The following GPHN variants were observed in gnomAD, a reference collection of about 807,000 sequenced individuals.
The protein encoded by GPHN is gephyrin.
In GPHN, 17 loss-of-function variants were observed where a neutral mutation model predicts 95.5. The observed-to-expected ratio is 0.18, with a 90% CI of 0.12 to 0.27. The LOEUF is 0.27. Ranked by LOEUF, GPHN falls within the 10% of genes least tolerant of loss-of-function variation. The pLI, the probability that GPHN is intolerant of heterozygous loss-of-function variation, is 1.00. For synonymous variants in GPHN, 320 were observed against 322.5 expected, an observed-to-expected ratio of 0.99 and a Z score of 0.08; for missense variants, 660 against 978.1, an observed-to-expected ratio of 0.67 and a Z score of 4.34.
chr14:67,663,286 GT>G, the GPHN span: 1 of 811,418 alleles, frequency 1.2e-6, no homozygotes, highest in South Asian at 1.8e-5. Context: ...TATACTACAG[GT>G]TTTCCATCTA....
At chr14:67,334,391 G>GATTTT in the GPHN span, 1 of 152,598 alleles carries the variant, frequency 6.6e-6, no homozygotes, top group Non-Finnish European at 1.5e-5. Flanking sequence ...TGAATGCCTT[G>GATTTT]ATTTTATTTT....
chr14:67,606,756 C>T, the GPHN span, among the ~76,000 whole-genome samples: 11 of 152,246 alleles, frequency 7.2e-5, 1 homozygote, highest in South Asian at 2.3e-3. Flanking sequence ...AAGCGATTCT[C>T]CTGCCTCAGC....
the GPHN span, among the ~76,000 whole-genome samples, chr14:67,524,100 T>C: frequency 6.6e-6 from 1 of 152,192 alleles, no homozygotes; most frequent in Non-Finnish European, 1.5e-5. Flanking sequence ...AGTTGTTTAA[T>C]GGGAGATTAA....
chr14:67,603,126 G>C, the GPHN span, among the ~76,000 whole-genome samples: 1 of 152,148 alleles, frequency 6.6e-6, no homozygotes, highest in South Asian at 2.1e-4. Flanking sequence ...GAGTGCAGCA[G>C]TGGTACGGTC....
the GPHN span, among the ~76,000 whole-genome samples, chr14:67,469,976 C>A: frequency 6.6e-6 from 1 of 152,208 alleles, no homozygotes; most frequent in Non-Finnish European, 1.5e-5. Context: ...AACCTGGATA[C>A]TGCCTGAGAT....
chr14:67,530,367 A>G, the GPHN span, among the ~76,000 whole-genome samples: 1 of 152,136 alleles, frequency 6.6e-6, no homozygotes, highest in Non-Finnish European at 1.5e-5. Flanking sequence ...TAAGTGATAA[A>G]GCTTAAACTG....
intron 8 of GPHN, among the ~76,000 whole-genome samples, chr14:66,942,807 C>T (rs2067507036): frequency 6.6e-6 from 1 of 152,114 alleles, no homozygotes; most frequent in South Asian, 2.1e-4. Context: ...ACTCAAAAAG[C>T]CAGGTATCAG....
the GPHN span, among the ~76,000 whole-genome samples, chr14:67,297,797 G>A: frequency 6.6e-6 from 1 of 152,172 alleles, no homozygotes; most frequent in Non-Finnish European, 1.5e-5. Context: ...ATATTTCAGT[G>A]CTATTTGTCA....
the GPHN span, among the ~76,000 whole-genome samples, chr14:67,328,414 T>G: frequency 4.6e-5 from 7 of 152,372 alleles, no homozygotes; most frequent in South Asian, 1.4e-3. Context: ...GGTAAAAATT[T>G]TCTCCCATTC....
intron 2 of GPHN, among the ~76,000 whole-genome samples, chr14:66,766,371 G>C (rs141005979): frequency 4.1e-4 from 63 of 152,168 alleles, no homozygotes; most frequent in Admixed American, 1.5e-3. Context: ...TGGAACCCTA[G>C]AAGGACTACA....
chr14:66,868,383 T>A (rs113754823), intron 4 of GPHN, among the ~76,000 whole-genome samples: 79 of 152,178 alleles, frequency 5.2e-4, no homozygotes, highest in African/African-American at 1.6e-3. Flanking sequence ...TTTAGATATA[T>A]CTATTATATG....
chr14:67,232,008 A>G, the GPHN span, among the ~76,000 whole-genome samples: 1,043 of 151,996 alleles, frequency 6.9e-3, 18 homozygotes, highest in African/African-American at 0.024. Flanking sequence ...ATTTGTGTCT[A>G]TAGTACTTAT....
At chr14:67,069,531 C>T (rs2153655971) in intron 11 of GPHN, among the ~76,000 whole-genome samples, 1 of 152,332 alleles carries the variant, frequency 6.6e-6, no homozygotes, top group Non-Finnish European at 1.5e-5. Flanking sequence ...TTCACTGCTA[C>T]AAACTTAGTT....
In GPHN at chr14:67,072,094, C is replaced by T. The variant is rs75210384; in HGVS notation, c.1144+13308C>T. Among the ~76,000 whole-genome samples the T allele has an allele frequency of 7.4e-3, 1,128 of 152,098 alleles. 2 individuals are homozygous for T. The highest frequency in any genetic ancestry group is 0.013 in the Non-Finnish European group (878 of 67,964). On this transcript the variant is annotated intron_variant, in intron 11 of 22. Transcript: ENST00000478722. ...GTCTTATTTGCTGTAGTTTATCTTG[C>T]AATTTTTAAATTCTGTATCTATTTT...
the GPHN span, among the ~76,000 whole-genome samples, chr14:67,477,898 T>A: frequency 6.6e-6 from 1 of 152,172 alleles, no homozygotes; most frequent in Non-Finnish European, 1.5e-5. Context: ...CTGTCTGGCT[T>A]CCTCTGCCAC....
chr14:67,176,260 T>C (rs540677212), intron 21 of GPHN, among the ~76,000 whole-genome samples: 25 of 152,272 alleles, frequency 1.6e-4, no homozygotes, highest in African/African-American at 6.0e-4. Context: ...CATCAATACC[T>C]AGTTTATTGA....
At chr14:67,667,645 A>G in the GPHN span, among the ~76,000 whole-genome samples, 1 of 152,200 alleles carries the variant, frequency 6.6e-6, no homozygotes, top group East Asian at 1.9e-4. Context: ...AATTCAGTAG[A>G]AAATATGAGG....
chr14:66,742,426 A>T (rs1259577248), intron 2 of GPHN, among the ~76,000 whole-genome samples: 1 of 152,166 alleles, frequency 6.6e-6, no homozygotes, highest in Non-Finnish European at 1.5e-5. Flanking sequence ...GGAGACCATT[A>T]TATTGAAGAT....
intron 1 of GPHN, among the ~76,000 whole-genome samples, chr14:66,635,666 G>A (rs771903698): frequency 1.3e-5 from 2 of 152,058 alleles, no homozygotes; most frequent in African/African-American, 4.8e-5. Flanking sequence ...CAAAAACAAC[G>A]ACGAAAAAGC....
Sources: gnomAD v4.1 joint callset for allele counts (sites outside exome capture counted in the v4.1 genomes callset) on GRCh38, gnomAD v4.1.1 for gene constraint, MANE v1.5 for transcripts, NCBI Gene and HGNC (gene_info 2026-07-23, HGNC 2026-07-21) for gene names.